RHCG: variants seen among roughly 807,000 people sequenced by gnomAD.
RHCG encodes the protein ammonium transporter Rh type C.
RHCG carries 39 observed loss-of-function variants against 55.3 expected under a neutral mutation model. That is an observed-to-expected ratio of 0.70 (90% CI 0.55 to 0.92). The LOEUF is 0.92. Ranked by LOEUF, RHCG falls within the 40% of genes least tolerant of loss-of-function variation. The probability of loss-of-function intolerance (pLI) is 0.00; values close to 1 mark genes in which losing one functional copy is unlikely to be tolerated. For synonymous variants in RHCG, 250 were observed against 246.8 expected (o/e 1.01, Z -0.12); for missense variants, 635 against 627.9 (o/e 1.01, Z -0.12).
At chr15:89,474,139 C>A (rs1393366117) in intron 9 of RHCG, among the ~76,000 whole-genome samples, 1 of 151,836 alleles carries the variant, frequency 6.6e-6, no homozygotes, top group Non-Finnish European at 1.5e-5. Flanking sequence ...CAATTTCAAC[C>A]GTGTAAGAAA....
chr15:89,477,601 A>G lies in RHCG; in HGVS notation c.1028T>C (p.Leu343Pro). The G allele has an allele frequency of 6.2e-7, 1 of 1,614,156 alleles. No homozygotes were observed. Residue 343 changes from leucine (L) to proline (P), a missense_variant, in exon 7 of 11, where the codon CTG becomes CCG. Physicochemically the swap from Leu to Pro is moderately conservative, Grantham distance 98 (BLOSUM62 -3). Transcript: ENST00000268122. This position sits in a 1 kb window ranked among gnomAD's most constrained non-coding sequence, Gnocchi z 4.5. ...HIQDTCGINN[L>P]HGIPGIIGGI... ...GCCTATGATGCCAGGAATGCCATGC[A>G]GATTGTTAATGCCACATGTGTCCTG...
intron 4 of RHCG, 117 bp downstream of exon 4, chr15:89,480,144 G>C: frequency 7.3e-7 from 1 of 1,373,392 alleles, no homozygotes; most frequent in South Asian, 1.2e-5. Flanking sequence ...TGGGGATCAG[G>C]TCTGATCATG....
rs766474755 is a variant in RHCG, at chr15:89,479,319, C to A, written c.837+3G>T. The stretch of plus-strand genomic sequence containing the variant: ...GCCACACCCCCAACGCCCTCATGCT[C>A]ACCATGTCCAGCTTGCCCTTCTTGT... On this transcript the variant is annotated splice_donor_region_variant and intron_variant, in intron 5 of 10. Transcript: ENST00000268122. 6.2e-7 allele frequency: 1 copy of A among 1,612,150 alleles called. No individual in the cohort carries two copies. Among genetic ancestry groups the A allele is most frequent in the South Asian group, 1.1e-5 (1 of 90,780 alleles).
At position 89,477,636 on chromosome 15, in the gene RHCG, C is replaced by A. The variant is rs2141889701; in HGVS notation, c.993G>T (p.Arg331=). 3.7e-6 allele frequency: 6 copies of A among 1,614,032 alleles called. No individual in the cohort carries two copies. The highest frequency in any genetic ancestry group is 1.3e-5 in the African/African-American group (1 of 75,022). ...FVYLTPFLES[R]LHIQDTCGIN... Reference sequence around the variant, plus strand: ...TGCCACATGTGTCCTGGATGTGCAGCCGGGACTCCAGGAATGGCTGGAGAC... The same window carrying A: ...TGCCACATGTGTCCTGGATGTGCAGACGGGACTCCAGGAATGGCTGGAGAC... The change falls in exon 7 of 11, where the codon CGG becomes CGT. Residue 331 remains arginine, a synonymous_variant. Transcript: ENST00000268122. This position sits in a 1 kb window ranked among gnomAD's most constrained non-coding sequence, Gnocchi z 4.5.
chr15:89,495,931 C>A (rs1473950150), intron 1 of RHCG, among the ~76,000 whole-genome samples: 2 of 152,224 alleles, frequency 1.3e-5, no homozygotes, highest in African/African-American at 2.4e-5. Flanking sequence ...GGGTGGGTGT[C>A]CTGGCCTCCT....
chr15:89,494,781 A>G (rs1293248910), intron 1 of RHCG, among the ~76,000 whole-genome samples: 1 of 151,976 alleles, frequency 6.6e-6, no homozygotes, highest in African/African-American at 2.4e-5. Context: ...GTATGCTGGG[A>G]TTACAGGTGT....
chr15:89,490,761 C>G (rs568194224), intron 1 of RHCG, among the ~76,000 whole-genome samples: 1 of 127,318 alleles, frequency 7.9e-6, no homozygotes, highest in African/African-American at 3.1e-5. Flanking sequence ...CTGGCCTGGC[C>G]GTGGTGAATT....
At chr15:89,475,808 G>A (rs1165326261) in intron 9 of RHCG, among the ~76,000 whole-genome samples, 2 of 152,196 alleles carry the variant, frequency 1.3e-5, no homozygotes, top group South Asian at 2.1e-4. Context: ...CTGGGCTTTG[G>A]AATGCTGTCA....
At chr15:89,488,004 C>G (rs540568853) in intron 1 of RHCG, among the ~76,000 whole-genome samples, 1 of 152,300 alleles carries the variant, frequency 6.6e-6, no homozygotes, top group Admixed American at 6.5e-5. Flanking sequence ...GCATGGTTCT[C>G]AACTCCAAGA....
At chr15:89,482,252 A>G (rs951239497) in intron 3 of RHCG, among the ~76,000 whole-genome samples, 2 of 152,170 alleles carry the variant, frequency 1.3e-5, no homozygotes, top group Non-Finnish European at 2.9e-5. Flanking sequence ...TCTATGCATT[A>G]TTTATAGGGC....
intron 1 of RHCG, among the ~76,000 whole-genome samples, chr15:89,494,746 G>A (rs535594250): frequency 1.3e-5 from 2 of 151,798 alleles, no homozygotes; most frequent in East Asian, 3.9e-4. Context: ...AAGCTCAAGC[G>A]ATCCTCCCAC....
chr15:89,480,182 C>T, intron 4 of RHCG, 79 bp downstream of exon 4: 3 of 1,576,348 alleles, frequency 1.9e-6, no homozygotes, highest in South Asian at 2.2e-5. Context: ...TGGTGGCCTT[C>T]ACCCATCATG....
intron 3 of RHCG, 85 bp from the exon 4 acceptor site, chr15:89,480,493 G>T: frequency 6.9e-7 from 1 of 1,439,834 alleles, no homozygotes; most frequent in Non-Finnish European, 9.5e-7. Flanking sequence ...ACACACACAC[G>T]CCCAGAGCTC....
chr15:89,486,784 C>G lies in RHCG; in HGVS notation c.371+15G>C, dbSNP rs1301789610. The G allele has an allele frequency of 6.4e-7, 1 of 1,574,198 alleles. No individual in the cohort carries two copies. The highest frequency in any genetic ancestry group is 8.7e-7 in the Non-Finnish European group (1 of 1,154,222). ...TCCCAGTCCGCCACGCCCCCGGGGC[C>G]CGCCCTGCGCTCACTTCTCCACGCC... On this transcript the variant is annotated intron_variant, in intron 2 of 10. Transcript: ENST00000268122.
intron 5 of RHCG, 27 bp from the exon 6 acceptor site, chr15:89,478,001 G>T: frequency 1.3e-6 from 2 of 1,585,186 alleles, no homozygotes; most frequent in Non-Finnish European, 1.7e-6. Context: ...GAGCAGGCAG[G>T]AACTCAGTCC....
In RHCG at chr15:89,479,416, C is replaced by G; in HGVS notation, c.743G>C (p.Arg248Pro). The change falls in exon 5 of 11, where the codon CGA (arginine) becomes CCA (proline). Residue 248 changes from arginine (R) to proline (P), a missense_variant. Arg to Pro is a moderately radical substitution (Grantham distance 103). Transcript: ENST00000268122. The stretch of plus-strand genomic sequence containing the variant: ...GGAGCAGTAGGTGTTGATGGCGGCT[C>G]GGTGCTGGCTGTCCCCATGGTAGGA... Reference protein sequence around the residue: ...AISYHGDSQHRAAINTYCSLA... With the variant: ...AISYHGDSQHPAAINTYCSLA... 1 of 1,614,130 alleles carries G rather than the reference C, an allele frequency of 6.2e-7. No individual in the cohort carries two copies. The highest frequency in any genetic ancestry group is 8.5e-7 in the Non-Finnish European group (1 of 1,180,022).
chr15:89,479,276 C>T (rs1393205140), intron 5 of RHCG, 46 bp downstream of exon 5: 1 of 1,581,620 alleles, frequency 6.3e-7, no homozygotes, highest in Non-Finnish European at 8.6e-7. Flanking sequence ...CAGCGCCCTC[C>T]AGGCCCAGGC....
chr15:89,478,687 C>T (rs1961203920), intron 5 of RHCG, among the ~76,000 whole-genome samples: 2 of 152,288 alleles, frequency 1.3e-5, no homozygotes, highest in Admixed American at 1.3e-4. Context: ...TGATTCTCTT[C>T]CCCAGGTGCC....
intron 10 of RHCG, among the ~76,000 whole-genome samples, chr15:89,472,329 G>A (rs550215814): frequency 6.6e-6 from 1 of 152,328 alleles, no homozygotes; most frequent in African/African-American, 2.4e-5. Flanking sequence ...TCTGAGCTGA[G>A]CAACTGAATA....
Sources: gnomAD v4.1 joint callset for allele counts (sites outside exome capture counted in the v4.1 genomes callset) on GRCh38, gnomAD v4.1.1 for gene constraint, Gnocchi (gnomAD v3.1) non-coding constraint, MANE v1.5 for transcripts, NCBI Gene and HGNC (gene_info 2026-07-23, HGNC 2026-07-21) for gene names.